Variants in SDK1 observed in about 807,000 individuals in gnomAD.
SDK1 encodes sidekick cell adhesion molecule 1.
In SDK1, 157 loss-of-function variants were observed where a neutral mutation model predicts 245.5. That is an observed-to-expected ratio of 0.64 (90% CI 0.56 to 0.73). SDK1 has a LOEUF of 0.73. SDK1 is among the 30% of genes least tolerant of loss of function. SDK1 has a pLI of 0.00. For synonymous variants in SDK1, 1,647 were observed against 1,278.5 expected (o/e 1.29, Z -6.15); for missense variants, 3,583 against 3,002.3 (o/e 1.19, Z -4.52).
chr7:3,319,147 T>C (rs1195911254), intron 1 of SDK1, among the ~76,000 whole-genome samples: 2 of 152,126 alleles, frequency 1.3e-5, no homozygotes, highest in Non-Finnish European at 2.9e-5. Flanking sequence ...GTGTGGTGTA[T>C]GTATGTGTGG....
intron 14 of SDK1, among the ~76,000 whole-genome samples, chr7:4,009,211 T>C (rs1171334276): frequency 1.3e-5 from 2 of 152,238 alleles, no homozygotes; most frequent in Non-Finnish European, 2.9e-5. Flanking sequence ...CGTAGTCAGC[T>C]GTGGTCTCCA....
At chr7:3,594,717 C>G (rs986634594) in intron 1 of SDK1, among the ~76,000 whole-genome samples, 4 of 152,054 alleles carry the variant, frequency 2.6e-5, no homozygotes, top group African/African-American at 9.7e-5. Context: ...AACATTTTTC[C>G]TGTGCTTATT....
chr7:3,439,214 G>A (rs1780122572), intron 1 of SDK1, among the ~76,000 whole-genome samples: 1 of 152,034 alleles, frequency 6.6e-6, no homozygotes, highest in Non-Finnish European at 1.5e-5. Flanking sequence ...TGGGGTGGTG[G>A]TTAGACACAA....
chr7:3,554,184 C>G (rs116782157), intron 1 of SDK1, among the ~76,000 whole-genome samples: 3 of 152,164 alleles, frequency 2.0e-5, no homozygotes, highest in Non-Finnish European at 4.4e-5. Context: ...GTGGGACATT[C>G]ACCAAGACGG....
chr7:3,815,595 C>T (rs1192033727), intron 4 of SDK1, among the ~76,000 whole-genome samples: 3 of 148,932 alleles, frequency 2.0e-5, no homozygotes, highest in African/African-American at 7.5e-5. Context: ...TGTGTCTCTG[C>T]CCGGCTTTGG....
chr7:3,547,387 A>G (rs1020539752), intron 1 of SDK1, among the ~76,000 whole-genome samples: 1 of 152,220 alleles, frequency 6.6e-6, no homozygotes, highest in Non-Finnish European at 1.5e-5. Flanking sequence ...CCTTGGGCAA[A>G]GACTGTATCT....
chr7:3,459,386 T>G (rs1174504918), intron 1 of SDK1, among the ~76,000 whole-genome samples: 1 of 152,214 alleles, frequency 6.6e-6, no homozygotes, highest in Non-Finnish European at 1.5e-5. Context: ...TGTATTAGTT[T>G]TTAACATTAT....
intron 43 of SDK1, 33 bp downstream of exon 43, chr7:4,241,946 G>C: frequency 6.2e-7 from 1 of 1,607,194 alleles, no homozygotes. Flanking sequence ...CGCCCACCTG[G>C]GGATCTGAGC....
At chr7:3,398,649 A>G in intron 1 of SDK1, among the ~76,000 whole-genome samples, 1 of 151,100 alleles carries the variant, frequency 6.6e-6, no homozygotes, top group Admixed American at 6.6e-5. Context: ...TTATTATTTT[A>G]TTTTTATTTT....
Position 4,011,051 on chromosome 7 carries a change from T to A in SDK1, c.2217T>A (p.Tyr739Ter), listed in dbSNP as rs1785908603. The A allele has an allele frequency of 1.9e-6, 3 of 1,613,962 alleles. No homozygotes were observed. The Admixed American group carries it at 5.0e-5, about 27-fold the overall frequency. ...GTGGCCTGACTCCGGCTCGTACCTA[T>A]CAATTCCGGGTGTGCGCGGTGAATG... is the stretch of plus-strand genomic sequence containing the variant. Reference protein sequence around the residue: ...TVSGLTPARTYQFRVCAVNEV... With the variant: ...TVSGLTPART Residue 739 changes from tyrosine (Y) to a stop codon, truncating the protein, a stop_gained, in exon 15 of 45, where the codon TAT becomes TAA. Transcript: ENST00000404826. LOFTEE classifies it high-confidence loss of function.
At chr7:3,918,904 G>A (rs1363075501) in intron 5 of SDK1, among the ~76,000 whole-genome samples, 1 of 152,128 alleles carries the variant, frequency 6.6e-6, no homozygotes, top group Non-Finnish European at 1.5e-5. Flanking sequence ...GCCACTTGCA[G>A]TTCCACATTT....
chr7:3,433,889 C>T (rs971972245), intron 1 of SDK1, among the ~76,000 whole-genome samples: 5 of 152,298 alleles, frequency 3.3e-5, no homozygotes, highest in East Asian at 1.9e-4. Context: ...CACAGTTTTA[C>T]ATGAAAGTCA....
chr7:4,003,551 C>A lies in SDK1; in HGVS notation c.2132-7415C>A, dbSNP rs555761620. On this transcript the variant is annotated intron_variant, in intron 14 of 44. Transcript: ENST00000404826. ...AGAACGTCACTCAATCGGGATTTGT[C>A]TGATGTTCTTCTCTTAGCTAGACCA... Among the ~76,000 whole-genome samples, 7 of 152,322 alleles carry A rather than the reference C, an allele frequency of 4.6e-5. No individual in the cohort carries two copies. The East Asian group carries it at 1.2e-3, about 25-fold the overall frequency.
chr7:4,161,512 G>A (rs1781119733), intron 31 of SDK1, among the ~76,000 whole-genome samples: 2 of 152,180 alleles, frequency 1.3e-5, no homozygotes, highest in Admixed American at 6.5e-5. Flanking sequence ...CAGCCTCACT[G>A]GAGGGGTGGC....
intron 43 of SDK1, among the ~76,000 whole-genome samples, chr7:4,245,398 G>A (rs941916146): frequency 6.6e-6 from 1 of 152,118 alleles, no homozygotes; most frequent in African/African-American, 2.4e-5. Flanking sequence ...CTGTTTGTAC[G>A]TGAGTGTCTC....
At chr7:4,208,339 G>A in intron 37 of SDK1, 54 bp downstream of exon 37, 1 of 1,541,654 alleles carries the variant, frequency 6.5e-7, no homozygotes, top group Non-Finnish European at 8.9e-7. Context: ...CGTGTTTTGA[G>A]AGCGCCAGCT....
At chr7:3,453,763 T>C (rs1780591570) in intron 1 of SDK1, among the ~76,000 whole-genome samples, 1 of 152,056 alleles carries the variant, frequency 6.6e-6, no homozygotes, top group Admixed American at 6.6e-5. Flanking sequence ...TTACTTTTCA[T>C]AGAAACAGGG....
intron 4 of SDK1, among the ~76,000 whole-genome samples, chr7:3,670,545 G>C (rs1783666810): frequency 6.6e-6 from 1 of 152,156 alleles, no homozygotes; most frequent in Non-Finnish European, 1.5e-5. Context: ...GCTTCTTAGG[G>C]GATTTGTGTG....
At chr7:3,965,491 T>G (rs898721051) in intron 9 of SDK1, among the ~76,000 whole-genome samples, 37 of 152,204 alleles carry the variant, frequency 2.4e-4, no homozygotes, top group African/African-American at 8.7e-4. Context: ...GGAGGTTTTT[T>G]GCAAAATGAG....
Sources: gnomAD v4.1 joint callset for allele counts (sites outside exome capture counted in the v4.1 genomes callset) on GRCh38, gnomAD v4.1.1 for gene constraint, MANE v1.5 for transcripts, NCBI Gene and HGNC (gene_info 2026-07-23, HGNC 2026-07-21) for gene names.